CNTN6: variants seen among roughly 807,000 people sequenced by gnomAD.
The protein encoded by CNTN6 is contactin-6.
A neutral mutation model predicts 122.8 loss-of-function variants in CNTN6; 137 were observed. The observed-to-expected ratio is 1.12, with a 90% CI of 0.97 to 1.29. The LOEUF (loss-of-function observed/expected upper bound fraction) is 1.29, where lower values mean the gene tolerates loss of function less well. Ranked by LOEUF, CNTN6 falls within the 50% of genes most tolerant of loss-of-function variation. The pLI is 0.00. For synonymous variants in CNTN6, 570 were observed against 426.0 expected (o/e 1.34, Z -4.16); for missense variants, 1,634 against 1,223.4 (o/e 1.34, Z -5.01).
At chr3:1,246,613 T>C (rs1383291910) in intron 4 of CNTN6, among the ~76,000 whole-genome samples, 2 of 152,188 alleles carry the variant, frequency 1.3e-5, no homozygotes, top group Non-Finnish European at 2.9e-5. Flanking sequence ...ACCAAATTGT[T>C]GTCTATAGTG....
intron 1 of CNTN6, among the ~76,000 whole-genome samples, chr3:1,130,342 C>G (rs920542715): frequency 1.3e-5 from 2 of 152,008 alleles, no homozygotes; most frequent in African/African-American, 4.8e-5. Flanking sequence ...ACGGTGAAAA[C>G]CTAACTAAGT....
At chr3:1,326,376 G>A (rs1421179731) in intron 9 of CNTN6, among the ~76,000 whole-genome samples, 2 of 151,774 alleles carry the variant, frequency 1.3e-5, no homozygotes, top group East Asian at 3.9e-4. Flanking sequence ...TGAAGAAAAT[G>A]AGTTTCAAAG....
chr3:1,114,669 A>T (rs1277287223), intron 1 of CNTN6, among the ~76,000 whole-genome samples: 1 of 152,220 alleles, frequency 6.6e-6, no homozygotes, highest in Non-Finnish European at 1.5e-5. Context: ...ATAATTATTG[A>T]TGATGGTCAA....
rs566981195 is a variant in CNTN6, at chr3:1,211,192, T to G, written c.56-9495T>G. 7.2e-5 allele frequency among the ~76,000 whole-genome samples: 11 copies of G among 152,306 alleles called. No homozygotes were observed. The East Asian group carries it at 2.1e-3, about 29-fold the overall frequency. On this transcript the variant is annotated intron_variant, in intron 2 of 22. Coordinates refer to ENST00000446702, the MANE Select transcript of CNTN6 (RefSeq NM_001289080.2). ...GGGAAATATATTGGGAGCAACAAAA[T>G]TCTAACACAGAAAGATCTCAGGTAC...
intron 5 of CNTN6, among the ~76,000 whole-genome samples, chr3:1,286,547 A>G (rs1365572174): frequency 6.6e-6 from 1 of 152,152 alleles, no homozygotes; most frequent in Admixed American, 6.5e-5. Context: ...TTATGGCTGC[A>G]TAGTATTCCA....
Position 1,165,785 on chromosome 3 carries a change from G to T in CNTN6, c.55+17722G>T, listed in dbSNP as rs74477995. On this transcript the variant is annotated intron_variant, in intron 2 of 22. Coordinates refer to ENST00000446702, the MANE Select transcript of CNTN6 (RefSeq NM_001289080.2). ...GTGACTTACTCAAGATAACATGGCA[G>T]GTCAGTAACAGAAGTTGTATTTTAG... Among the ~76,000 whole-genome samples, 645 of 152,256 alleles carry T rather than the reference G, an allele frequency of 4.2e-3. 7 individuals are homozygous for T. The highest frequency in any genetic ancestry group is 3.5e-3 in the Non-Finnish European group (235 of 68,018).
chr3:1,318,236 G>T (rs558739672), intron 7 of CNTN6, among the ~76,000 whole-genome samples: 2 of 151,666 alleles, frequency 1.3e-5, no homozygotes, highest in Admixed American at 1.3e-4. Flanking sequence ...CTATCATTCT[G>T]GTGTGATTGT....
intron 1 of CNTN6, among the ~76,000 whole-genome samples, chr3:1,131,419 CTCTCCT>C (rs1305367970): frequency 0.019 from 3 of 158 alleles, no homozygotes; most frequent in Admixed American, 0.071. Flanking sequence ...TAGGGGGTTG[CTCTCCT>C]TGACCTTGAG....
At chr3:1,213,495 TA>T (rs1243905558) in intron 2 of CNTN6, among the ~76,000 whole-genome samples, 4 of 152,032 alleles carry the variant, frequency 2.6e-5, no homozygotes, top group African/African-American at 7.2e-5. Context: ...TTCTTTAATA[TA>T]ACGCATTTTT....
Position 1,321,702 on chromosome 3 carries a change from A to T in CNTN6, c.814A>T (p.Lys272Ter), listed in dbSNP as rs745717096. The T allele has an allele frequency of 5.0e-6, 8 of 1,611,620 alleles. No individual in the cohort carries two copies. Among genetic ancestry groups the T allele is most frequent in the Non-Finnish European group, 6.8e-6 (8 of 1,178,550 alleles). ...GTTGGACGGGAGCCCGTTGCCAGGG[A>T]AAGTCAAGTACAGCAAATCCCAAGC... is the stretch of plus-strand genomic sequence containing the variant. ...RRLDGSPLPG[K>*]VKYSKSQAIL... Residue 272 changes from lysine (K) to a stop codon, truncating the protein, a stop_gained, in exon 8 of 23, where the codon AAA becomes TAA. Transcript: ENST00000446702. LOFTEE classifies it high-confidence loss of function.
chr3:1,244,288 G>A (rs958712371), intron 4 of CNTN6, among the ~76,000 whole-genome samples: 8 of 152,242 alleles, frequency 5.3e-5, no homozygotes, highest in East Asian at 1.9e-4. Context: ...AAAAGAGAGC[G>A]TAGAGACACG....
chr3:1,308,284 GTT>G (rs1206737674), intron 7 of CNTN6, among the ~76,000 whole-genome samples: 1 of 81,416 alleles, frequency 1.2e-5, no homozygotes, highest in Admixed American at 1.4e-4. Context: ...TGTATGGGGT[GTT>G]TTGTGTGTGT....
intron 20 of CNTN6, among the ~76,000 whole-genome samples, chr3:1,398,511 T>C (rs1695264319): frequency 6.6e-6 from 1 of 152,242 alleles, no homozygotes; most frequent in South Asian, 2.1e-4. Flanking sequence ...AAGTGAATCA[T>C]TTGCAAACTT....
chr3:1,367,727 G>T (rs952650546), intron 12 of CNTN6, among the ~76,000 whole-genome samples: 2 of 152,120 alleles, frequency 1.3e-5, no homozygotes, highest in Non-Finnish European at 2.9e-5. Context: ...GCACATGCTT[G>T]CCTGGGTAGT....
At chr3:1,243,444 G>A (rs2094516128) in intron 4 of CNTN6, among the ~76,000 whole-genome samples, 1 of 152,264 alleles carries the variant, frequency 6.6e-6, no homozygotes, top group East Asian at 1.9e-4. Flanking sequence ...AAATCCTGTT[G>A]TGGGGTTTGA....
intron 7 of CNTN6, among the ~76,000 whole-genome samples, chr3:1,312,556 G>A (rs1000260453): frequency 1.3e-5 from 2 of 151,084 alleles, no homozygotes; most frequent in Non-Finnish European, 2.9e-5. Context: ...CAAATTTGGA[G>A]GCATCTCAAT....
intron 20 of CNTN6, among the ~76,000 whole-genome samples, chr3:1,388,120 A>G (rs1384585952): frequency 2.6e-5 from 4 of 152,058 alleles, no homozygotes; most frequent in Non-Finnish European, 4.4e-5. Flanking sequence ...GGCACAGACA[A>G]ACAAAAAGAC....
intron 1 of CNTN6, among the ~76,000 whole-genome samples, chr3:1,102,994 T>C (rs1249437574): frequency 2.0e-5 from 3 of 150,792 alleles, no homozygotes; most frequent in Non-Finnish European, 4.4e-5. Flanking sequence ...TGGTCCCAGC[T>C]ACTCGGGAGG....
intron 2 of CNTN6, among the ~76,000 whole-genome samples, chr3:1,182,547 C>T (rs995761264): frequency 1.3e-5 from 2 of 151,432 alleles, no homozygotes; most frequent in East Asian, 3.9e-4. Context: ...CAGCATTAAT[C>T]GGCATTCTGT....
Sources: gnomAD v4.1 joint callset for allele counts (sites outside exome capture counted in the v4.1 genomes callset) on GRCh38, gnomAD v4.1.1 for gene constraint, MANE v1.5 for transcripts, NCBI Gene and HGNC (gene_info 2026-07-23, HGNC 2026-07-21) for gene names.